The following GFOD1 variants were observed in gnomAD, a reference collection of about 807,000 sequenced individuals.
GFOD1 encodes the protein glucose-fructose oxidoreductase domain-containing protein 1.
GFOD1 carries 9 observed loss-of-function variants against 25.4 expected under a neutral mutation model. That is an observed-to-expected ratio of 0.35 (90% CI 0.21 to 0.62). The LOEUF is 0.62. GFOD1 is among the 20% of genes least tolerant of loss of function. The pLI, the probability that GFOD1 is intolerant of heterozygous loss-of-function variation, is 0.72. For missense variants in GFOD1, 403 were observed against 556.9 expected (o/e 0.72, Z 2.78); for synonymous variants, 253 against 245.6 (o/e 1.03, Z -0.28).
At chr6:13,481,471 G>A (rs1758749698) in intron 1 of GFOD1, among the ~76,000 whole-genome samples, 1 of 152,202 alleles carries the variant, frequency 6.6e-6, no homozygotes, top group African/African-American at 2.4e-5. Flanking sequence ...ACAAGGCAGG[G>A]CCATTTCAGG....
intron 1 of GFOD1, among the ~76,000 whole-genome samples, chr6:13,369,041 T>A (rs1785099821): frequency 6.6e-6 from 1 of 152,232 alleles, no homozygotes; most frequent in South Asian, 2.1e-4. Flanking sequence ...CTGCAATTAC[T>A]TTTGCACCAA....
Position 13,363,527 on chromosome 6 carries a change from A to C in GFOD1, c.*1216T>G, listed in dbSNP as rs1035426957. ...CAAATTCTCAGGTGTCAGAATCCTG[A>C]AAGCAAATGCTGGAGCTAAGGAAAA... On this transcript the variant is annotated 3_prime_UTR_variant, in exon 2 of 2. Transcript: ENST00000379287. 3 of 150,214 alleles carry C rather than the reference A, an allele frequency of 2.0e-5. No individual in the cohort carries two copies. The highest frequency in any genetic ancestry group is 4.4e-5 in the Non-Finnish European group (3 of 67,668). The allele number at this position is 150,214 out of a possible 1,614,324, so 9.3% of individuals were successfully genotyped here.
In GFOD1 at chr6:13,358,631, G is replaced by A. The variant is rs1784903416; in HGVS notation, c.*6112C>T. On this transcript the variant is annotated 3_prime_UTR_variant, in exon 2 of 2. Coordinates refer to ENST00000379287, the MANE Select transcript of GFOD1 (RefSeq NM_018988.4). ...CCTGGGATTAGACCAAGAATCACAAGTAAGTCATTGCGTTTATAAGGAAAA... is the reference window on the plus strand; with the variant it reads ...CCTGGGATTAGACCAAGAATCACAAATAAGTCATTGCGTTTATAAGGAAAA... The A allele has an allele frequency of 6.6e-6, 1 of 152,232 alleles. No individual in the cohort carries two copies. Among genetic ancestry groups the A allele is most frequent in the Admixed American group, 6.5e-5 (1 of 15,280 alleles). The allele number at this position is 152,232 out of a possible 1,614,324, so 9.4% of individuals were successfully genotyped here. A position where few individuals can be genotyped will look rare whatever the true frequency, so the allele number is the denominator to read the frequency against.
chr6:13,364,706 TG>T lies in GFOD1; in HGVS notation c.*36del. On this transcript the variant is annotated 3_prime_UTR_variant, in exon 2 of 2. Coordinates refer to ENST00000379287, the MANE Select transcript of GFOD1 (RefSeq NM_018988.4). The surrounding 1 kb of genome is among the most constrained non-coding windows in gnomAD (Gnocchi z 4.1). Reference sequence around the variant, plus strand: ...CCCTTCCCTCTCTGTGGACATCCCCTGCAGAAGGCTCAAGTCCCCGAGGTTC... The same window carrying T: ...CCCTTCCCTCTCTGTGGACATCCCCTCAGAAGGCTCAAGTCCCCGAGGTTC... 6.4e-7 allele frequency: 1 copy of T among 1,553,714 alleles called. No homozygotes were observed. Among genetic ancestry groups the T allele is most frequent in the Non-Finnish European group, 8.8e-7 (1 of 1,139,640 alleles).
intron 1 of GFOD1, among the ~76,000 whole-genome samples, chr6:13,429,241 G>A (rs1303677760): frequency 3.3e-5 from 5 of 152,328 alleles, no homozygotes; most frequent in Non-Finnish European, 7.4e-5. Context: ...GGGAAACAGC[G>A]CCACAGGCTG....
chr6:13,369,231 A>T (rs758949162), intron 1 of GFOD1, among the ~76,000 whole-genome samples: 1 of 152,204 alleles, frequency 6.6e-6, no homozygotes, highest in Non-Finnish European at 1.5e-5. Flanking sequence ...CTTTTGCAAC[A>T]TTCATGCTTT....
chr6:13,424,036 T>G (rs1285184325), intron 1 of GFOD1, among the ~76,000 whole-genome samples: 2 of 152,098 alleles, frequency 1.3e-5, no homozygotes, highest in Admixed American at 1.3e-4. Context: ...TTTTGTATTT[T>G]TAGCAGAGAT....
At chr6:13,461,431 C>G (rs1758288294) in intron 1 of GFOD1, among the ~76,000 whole-genome samples, 1 of 152,208 alleles carries the variant, frequency 6.6e-6, no homozygotes, top group Non-Finnish European at 1.5e-5. Context: ...TGCTGGGGCT[C>G]CCAAGTCAAC....
intron 1 of GFOD1, chr6:13,470,116 T>A: frequency 4.1e-6 from 6 of 1,459,258 alleles, no homozygotes; most frequent in Non-Finnish European, 5.5e-6. Flanking sequence ...CGATAAATAC[T>A]GCAGTTGGAA....
chr6:13,465,890 C>G (rs1394812117), intron 1 of GFOD1, among the ~76,000 whole-genome samples: 1 of 152,188 alleles, frequency 6.6e-6, no homozygotes, highest in African/African-American at 2.4e-5. Context: ...CATCCAACAC[C>G]CAGCTGACAC....
chr6:13,420,941 C>T (rs1786245786), intron 1 of GFOD1, among the ~76,000 whole-genome samples: 1 of 152,122 alleles, frequency 6.6e-6, no homozygotes, highest in Non-Finnish European at 1.5e-5. Flanking sequence ...ATATTATCTG[C>T]AAAGATATTC....
At chr6:13,441,498 T>C (rs903568180) in intron 1 of GFOD1, among the ~76,000 whole-genome samples, 1 of 152,264 alleles carries the variant, frequency 6.6e-6, no homozygotes, top group Non-Finnish European at 1.5e-5. Context: ...AAAAAATGTA[T>C]CTTTTCCTGA....
intron 1 of GFOD1, among the ~76,000 whole-genome samples, chr6:13,373,066 C>T (rs970541314): frequency 2.0e-5 from 3 of 152,192 alleles, no homozygotes; most frequent in South Asian, 4.1e-4. Context: ...TTCATTTATA[C>T]TTTGTTCCTT....
intron 1 of GFOD1, among the ~76,000 whole-genome samples, chr6:13,410,801 A>G (rs147917489): frequency 6.6e-6 from 1 of 151,312 alleles, no homozygotes; most frequent in East Asian, 2.0e-4. Flanking sequence ...GAAGGAGAAA[A>G]AGTGAGGAGA....
At chr6:13,479,062 CAAA>C (rs11342958) in intron 1 of GFOD1, among the ~76,000 whole-genome samples, 4 of 127,408 alleles carry the variant, frequency 3.1e-5, no homozygotes, top group Non-Finnish European at 3.3e-5. Context: ...ATCCCTTTAC[CAAA>C]AAAAAAAAAA....
chr6:13,412,627 G>A (rs931465824), intron 1 of GFOD1, among the ~76,000 whole-genome samples: 2 of 152,178 alleles, frequency 1.3e-5, no homozygotes, highest in African/African-American at 2.4e-5. Context: ...CCTTCCCCCC[G>A]TTGTTACTGT....
At chr6:13,394,082 G>A (rs1012166676) in intron 1 of GFOD1, among the ~76,000 whole-genome samples, 2 of 151,908 alleles carry the variant, frequency 1.3e-5, no homozygotes, top group African/African-American at 2.4e-5. Context: ...TGGCTCCTTG[G>A]CCAATGTCTT....
intron 1 of GFOD1, among the ~76,000 whole-genome samples, chr6:13,468,375 A>G (rs1461655584): frequency 1.3e-5 from 2 of 152,120 alleles, no homozygotes; most frequent in African/African-American, 4.8e-5. Flanking sequence ...TATTTACCTA[A>G]CTGTTCTCCT....
At chr6:13,457,495 A>C (rs567116265) in intron 1 of GFOD1, among the ~76,000 whole-genome samples, 1 of 152,162 alleles carries the variant, frequency 6.6e-6, no homozygotes, top group African/African-American at 2.4e-5. Flanking sequence ...CCTCAGATAC[A>C]CTTTGAGAGA....
Sources: gnomAD v4.1 joint callset for allele counts (sites outside exome capture counted in the v4.1 genomes callset) on GRCh38, gnomAD v4.1.1 for gene constraint, Gnocchi (gnomAD v3.1) non-coding constraint, MANE v1.5 for transcripts, NCBI Gene and HGNC (gene_info 2026-07-23, HGNC 2026-07-21) for gene names.